The following LRRC37A2 variants were observed in gnomAD, a reference collection of about 807,000 sequenced individuals.
LRRC37A2 encodes the protein leucine-rich repeat-containing protein 37A2.
A neutral mutation model predicts 68.8 loss-of-function variants in LRRC37A2; 9 were observed. That is an observed-to-expected ratio of 0.13 (90% confidence interval 0.08 to 0.23). The LOEUF (loss-of-function observed/expected upper bound fraction) is 0.23. Ranked by LOEUF, LRRC37A2 falls within the 10% of genes least tolerant of loss-of-function variation. LRRC37A2 has a pLI of 1.00. For synonymous variants in LRRC37A2, 63 were observed against 367.6 expected (o/e 0.17, Z 9.48); for missense variants, 168 against 950.4 (o/e 0.18, Z 10.82).
At chr17:46,895,424 C>T in the LRRC37A2 span, among the ~76,000 whole-genome samples, 1 of 152,226 alleles carries the variant, frequency 6.6e-6, no homozygotes, top group Non-Finnish European at 1.5e-5. Flanking sequence ...CCTCTCTGTG[C>T]CACAGCTCTC....
the LRRC37A2 span, among the ~76,000 whole-genome samples, chr17:46,927,739 G>A: frequency 6.6e-6 from 1 of 152,092 alleles, no homozygotes; most frequent in African/African-American, 2.4e-5. Context: ...CACCTGCACT[G>A]CCGCCATATT....
chr17:47,033,373 C>A, the LRRC37A2 span: 3 of 698,970 alleles, frequency 4.3e-6, no homozygotes, highest in Admixed American at 6.1e-5. Flanking sequence ...AGATGTGTGG[C>A]TCACGAACCT....
At chr17:46,975,927 G>A in the LRRC37A2 span, among the ~76,000 whole-genome samples, 3 of 151,942 alleles carry the variant, frequency 2.0e-5, no homozygotes, top group Non-Finnish European at 4.4e-5. Flanking sequence ...AAAAGTTGTT[G>A]TTGTTGTTGT....
chr17:47,048,776 G>A, the LRRC37A2 span, among the ~76,000 whole-genome samples: 1 of 50,876 alleles, frequency 2.0e-5, no homozygotes, highest in East Asian at 4.0e-4. Flanking sequence ...GAACACAGGC[G>A]CACCGAGGAC....
At chr17:46,863,078 G>T in the LRRC37A2 span, among the ~76,000 whole-genome samples, 28,817 of 152,034 alleles carry the variant, frequency 0.19, 3,919 homozygotes, top group African/African-American at 0.37. Context: ...TCTGGCACTG[G>T]GGAGAGCATA....
the LRRC37A2 span, among the ~76,000 whole-genome samples, chr17:46,947,703 T>G: frequency 1.3e-5 from 2 of 152,226 alleles, no homozygotes; most frequent in East Asian, 1.9e-4. Flanking sequence ...ATAGTGAGAA[T>G]AATAATAACT....
chr17:46,558,983 T>C (rs1393119453), downstream of LRRC37A2: 2 of 100,908 alleles, frequency 2.0e-5, 1 homozygote, highest in Non-Finnish European at 3.8e-5. Context: ...CGGCAAAGCC[T>C]ATATTAAACC....
At chr17:46,918,513 C>A in the LRRC37A2 span, among the ~76,000 whole-genome samples, 2 of 151,806 alleles carry the variant, frequency 1.3e-5, no homozygotes, top group African/African-American at 2.4e-5. Context: ...TAGGTTGGTG[C>A]AAAAGTAATT....
chr17:46,969,830 T>C, the LRRC37A2 span, among the ~76,000 whole-genome samples: 379 of 152,242 alleles, frequency 2.5e-3, 3 homozygotes, highest in African/African-American at 8.0e-3. Context: ...AACTCTCCCA[T>C]TGCAAGAGAG....
At chr17:47,032,980 G>A in the LRRC37A2 span, among the ~76,000 whole-genome samples, 3 of 152,126 alleles carry the variant, frequency 2.0e-5, no homozygotes, top group Non-Finnish European at 2.9e-5. Context: ...ACTTTGGGAG[G>A]CCAAGGTGGG....
the LRRC37A2 span, among the ~76,000 whole-genome samples, chr17:46,771,258 G>C: frequency 5.3e-5 from 8 of 152,238 alleles, no homozygotes; most frequent in South Asian, 1.7e-3. Context: ...GACCGAGGAC[G>C]GCGGCAAGGG....
the LRRC37A2 span, among the ~76,000 whole-genome samples, chr17:46,839,129 C>T: frequency 2.6e-5 from 4 of 152,198 alleles, no homozygotes; most frequent in Admixed American, 6.5e-5. Context: ...CCGCCCGCCT[C>T]GGCCTCCCAA....
chr17:46,520,965 A>G (rs1173686668), intron 4 of LRRC37A2, among the ~76,000 whole-genome samples: 1 of 81,830 alleles, frequency 1.2e-5, no homozygotes, highest in Non-Finnish European at 3.3e-5. Context: ...CAAGAATATT[A>G]AGCTACCAAG....
chr17:46,861,413 T>G, the LRRC37A2 span, among the ~76,000 whole-genome samples: 115 of 152,274 alleles, frequency 7.6e-4, no homozygotes, highest in Non-Finnish European at 1.5e-3. Context: ...TCCTTTCCCC[T>G]GGAATCTCCC....
the LRRC37A2 span, among the ~76,000 whole-genome samples, chr17:46,690,721 G>A: frequency 1.3e-5 from 1 of 79,280 alleles, no homozygotes; most frequent in Non-Finnish European, 2.5e-5. Context: ...CTCCATTTTG[G>A]CTGAGTTTGA....
the LRRC37A2 span, among the ~76,000 whole-genome samples, chr17:46,816,515 A>ACACC: frequency 2.2e-5 from 3 of 134,418 alleles, no homozygotes; most frequent in South Asian, 2.4e-4. Context: ...ACACACACAC[A>ACACC]CCTCTCTCCT....
the LRRC37A2 span, among the ~76,000 whole-genome samples, chr17:46,956,201 G>A: frequency 6.6e-6 from 1 of 151,308 alleles, no homozygotes; most frequent in South Asian, 2.1e-4. Context: ...ACACTTGCAA[G>A]GGTTTAACTC....
chr17:46,735,336 TAA>T, the LRRC37A2 span, among the ~76,000 whole-genome samples: 1 of 152,178 alleles, frequency 6.6e-6, no homozygotes, highest in African/African-American at 2.4e-5. Flanking sequence ...TTGCCTTAAA[TAA>T]GTTACTGTGG....
the LRRC37A2 span, chr17:46,935,422 C>T: frequency 7.0e-7 from 1 of 1,423,046 alleles, no homozygotes; most frequent in South Asian, 1.6e-5. Context: ...TTCCCATTTA[C>T]TGAACTTATC....
Sources: allele counts gnomAD v4.1 joint callset (sites outside exome capture counted in the v4.1 genomes callset), GRCh38; gene constraint gnomAD v4.1.1; transcripts MANE v1.5; gene names NCBI Gene and HGNC (gene_info 2026-07-23, HGNC 2026-07-21).